The following SPEF2 variants were observed in gnomAD, a reference collection of about 807,000 sequenced individuals.
SPEF2 encodes the protein sperm flagellar and cilia associated 2, also known as sperm flagella and cilia-associated protein 2.
A neutral mutation model predicts 224.6 loss-of-function variants in SPEF2; 187 were observed. That is an observed-to-expected ratio of 0.83 (90% CI 0.74 to 0.94). The LOEUF (loss-of-function observed/expected upper bound fraction) is 0.94, where lower values mean the gene tolerates loss of function less well. Ranked by LOEUF, SPEF2 falls within the 40% of genes least tolerant of loss-of-function variation. The pLI, the probability that SPEF2 is intolerant of heterozygous loss-of-function variation, is 0.00. For synonymous variants in SPEF2, 715 were observed against 707.3 expected, an observed-to-expected ratio of 1.01 and a Z score of -0.17; for missense variants, 2,170 against 2,135.6, an observed-to-expected ratio of 1.02 and a Z score of -0.32.
At chr5:35,773,313 G>A (rs1363792674) in intron 27 of SPEF2, among the ~76,000 whole-genome samples, 3 of 152,118 alleles carry the variant, frequency 2.0e-5, no homozygotes, top group Admixed American at 6.6e-5. Context: ...TTGGGAGGTC[G>A]AGGCTGCATT....
chr5:35,684,951 C>T (rs193056439), intron 10 of SPEF2, among the ~76,000 whole-genome samples: 3 of 152,220 alleles, frequency 2.0e-5, no homozygotes, highest in African/African-American at 7.2e-5. Flanking sequence ...GGCCACATTA[C>T]ATAAAATAAT....
At chr5:35,628,184 CA>C (rs1235322802) in intron 1 of SPEF2, among the ~76,000 whole-genome samples, 4 of 151,532 alleles carry the variant, frequency 2.6e-5, no homozygotes, top group African/African-American at 9.7e-5. Context: ...TTTTTGGTAG[CA>C]TTTTAAAAAA....
At chr5:35,667,041 G>A (rs772811003) in intron 8 of SPEF2, 31 bp from the exon 9 acceptor site, 4 of 1,560,850 alleles carry the variant, frequency 2.6e-6, no homozygotes, top group Non-Finnish European at 3.5e-6. Flanking sequence ...TTCAATTATA[G>A]TGACTTAAAA....
intron 9 of SPEF2, among the ~76,000 whole-genome samples, chr5:35,668,708 A>G (rs1182918675): frequency 6.6e-6 from 1 of 152,108 alleles, no homozygotes; most frequent in Admixed American, 6.6e-5. Flanking sequence ...TACTTTTGCC[A>G]TTTTATCTGT....
At chr5:35,739,829 AC>A (rs1412277373) in intron 21 of SPEF2, 89 bp from the exon 22 acceptor site, 4 of 1,477,864 alleles carry the variant, frequency 2.7e-6, no homozygotes, top group Non-Finnish European at 2.8e-6. Flanking sequence ...TTGCATCTTG[AC>A]CTTTTTGCTT....
At chr5:35,807,690 C>A in intron 36 of SPEF2, 1 of 1,536,026 alleles carries the variant, frequency 6.5e-7, no homozygotes. Flanking sequence ...AGGTTGGGCA[C>A]CACTTCCATC....
At chr5:35,759,000 T>A (rs1270943186) in intron 24 of SPEF2, among the ~76,000 whole-genome samples, 1 of 36,466 alleles carries the variant, frequency 2.7e-5, no homozygotes, top group Non-Finnish European at 5.0e-5. Context: ...AGCAAGACTC[T>A]GTCTCAAAAA....
chr5:35,623,102 A>G (rs1262677506), intron 1 of SPEF2, among the ~76,000 whole-genome samples: 1 of 152,234 alleles, frequency 6.6e-6, no homozygotes, highest in African/African-American at 2.4e-5. Context: ...ACTGCAGGGC[A>G]TCTCAGTAAG....
chr5:35,782,052 A>G (rs997311859), intron 30 of SPEF2, among the ~76,000 whole-genome samples: 2 of 152,120 alleles, frequency 1.3e-5, no homozygotes, highest in African/African-American at 4.8e-5. Flanking sequence ...CCCACAAAGT[A>G]TACTCTGGCT....
At chr5:35,736,415 T>A (rs1243029647) in intron 21 of SPEF2, among the ~76,000 whole-genome samples, 6 of 151,952 alleles carry the variant, frequency 3.9e-5, no homozygotes, top group Non-Finnish European at 8.8e-5. Flanking sequence ...AAACTTATAA[T>A]CATGGCAGAG....
rs1743001473 is a variant in SPEF2, at chr5:35,618,605, G to T, written c.58+550G>T. Among the ~76,000 whole-genome samples, 2 of 152,098 alleles carry T rather than the reference G, an allele frequency of 1.3e-5. 1 individual carries two copies. The highest frequency in any genetic ancestry group is 4.1e-4 in the South Asian group (2 of 4,822). Reference sequence around the variant, plus strand: ...ACTTAACTGACCAGCAGGGGAGGGTGGGTGAAAAATAAGTTAATGTAGAAT... The same window carrying T: ...ACTTAACTGACCAGCAGGGGAGGGTTGGTGAAAAATAAGTTAATGTAGAAT... On this transcript the variant is annotated intron_variant, in intron 1 of 36. Coordinates refer to ENST00000356031, the MANE Select transcript of SPEF2 (RefSeq NM_024867.4).
Position 35,735,005 on chromosome 5 carries a change from C to T in SPEF2, c.3064-4914C>T, listed in dbSNP as rs114749609. Among the ~76,000 whole-genome samples, 598 of 152,162 alleles carry T rather than the reference C, an allele frequency of 3.9e-3. 11 individuals are homozygous for T. The highest frequency in any genetic ancestry group is 0.014 in the African/African-American group (573 of 41,524). ...GATTATAGGCATGAGACACCACGCC[C>T]GGCCATGAATTGCTTTTTTATTGGC... On this transcript the variant is annotated intron_variant, in intron 21 of 36. Coordinates refer to ENST00000356031, the MANE Select transcript of SPEF2 (RefSeq NM_024867.4).
At chr5:35,678,064 G>A (rs1752270373) in intron 10 of SPEF2, among the ~76,000 whole-genome samples, 1 of 152,210 alleles carries the variant, frequency 6.6e-6, no homozygotes, top group Non-Finnish European at 1.5e-5. Context: ...ATTGACCGTG[G>A]CCAGTGTAAA....
chr5:35,733,252 C>A (rs570647779), intron 21 of SPEF2, among the ~76,000 whole-genome samples: 2 of 152,170 alleles, frequency 1.3e-5, no homozygotes, highest in South Asian at 4.2e-4. Flanking sequence ...GTAGCCGGGA[C>A]TACAGGCGCC....
At chr5:35,774,572 A>G (rs1332498376) in intron 28 of SPEF2, among the ~76,000 whole-genome samples, 1 of 152,124 alleles carries the variant, frequency 6.6e-6, no homozygotes, top group Non-Finnish European at 1.5e-5. Flanking sequence ...ACTCCACAAA[A>G]CATATTCTCC....
At chr5:35,628,272 AT>A (rs1744555174) in intron 1 of SPEF2, among the ~76,000 whole-genome samples, 187 bp from the exon 2 acceptor site, 1 of 152,194 alleles carries the variant, frequency 6.6e-6, no homozygotes, top group African/African-American at 2.4e-5. Flanking sequence ...GGGAATCTTT[AT>A]AAAATATCTA....
intron 2 of SPEF2, among the ~76,000 whole-genome samples, chr5:35,629,025 T>C (rs541709572): frequency 6.6e-6 from 1 of 152,268 alleles, no homozygotes; most frequent in African/African-American, 2.4e-5. Flanking sequence ...GTTCCTTTCT[T>C]GCACATACAT....
chr5:35,751,451 C>T (rs1327219197), intron 23 of SPEF2, among the ~76,000 whole-genome samples: 2 of 150,712 alleles, frequency 1.3e-5, no homozygotes, highest in African/African-American at 2.4e-5. Flanking sequence ...CACCCGTACC[C>T]CAATAACTTA....
intron 26 of SPEF2, among the ~76,000 whole-genome samples, chr5:35,769,540 A>T (rs935255004): frequency 6.6e-6 from 1 of 152,186 alleles, no homozygotes; most frequent in African/African-American, 2.4e-5. Context: ...ATTCTTTTGA[A>T]AGAAAGTCCA....
Sources: gnomAD v4.1 joint callset for allele counts (sites outside exome capture counted in the v4.1 genomes callset) on GRCh38, gnomAD v4.1.1 for gene constraint, MANE v1.5 for transcripts, NCBI Gene and HGNC (gene_info 2026-07-23, HGNC 2026-07-21) for gene names.